The following ZNF462 variants were observed in gnomAD, a reference collection of about 807,000 sequenced individuals.
ZNF462 encodes the protein zinc finger protein 462.
In ZNF462, 10 loss-of-function variants were observed where a neutral mutation model predicts 201.9. The ratio of observed to expected loss-of-function variants is 0.05; its 90% CI spans 0.03 to 0.08. The LOEUF (loss-of-function observed/expected upper bound fraction) is 0.08, where lower values mean the gene tolerates loss of function less well. ZNF462 is among the 10% of genes least tolerant of loss of function. The pLI is 1.00. For missense variants in ZNF462, 2,523 were observed against 3,168.3 expected, an observed-to-expected ratio of 0.80 and a Z score of 4.89; for synonymous variants, 1,227 against 1,193.3, an observed-to-expected ratio of 1.03 and a Z score of -0.58.
intron 1 of ZNF462, among the ~76,000 whole-genome samples, chr9:106,888,196 C>T (rs559341517): frequency 9.2e-5 from 14 of 152,102 alleles, no homozygotes; most frequent in Non-Finnish European, 1.3e-4. Flanking sequence ...CGCCCGCCAC[C>T]GCGCCCGGCT....
chr9:106,954,139 C>T lies in ZNF462; in HGVS notation c.6427+15032C>T, dbSNP rs543211135. Among the ~76,000 whole-genome samples, 4 of 152,134 alleles carry T rather than the reference C, an allele frequency of 2.6e-5. No individual in the cohort carries two copies. Among genetic ancestry groups the T allele is most frequent in the East Asian group, 1.9e-4 (1 of 5,172 alleles). ...GCTCTGCATGGCCTGTGTATTAGTCCGTTTTCACATTGCTATAAAGAACTA... is the reference window on the plus strand; with the variant it reads ...GCTCTGCATGGCCTGTGTATTAGTCTGTTTTCACATTGCTATAAAGAACTA... On this transcript the variant is annotated intron_variant, in intron 7 of 12. Transcript: ENST00000277225. This position sits in a 1 kb window ranked among gnomAD's most constrained non-coding sequence, Gnocchi z 4.0.
intron 1 of ZNF462, among the ~76,000 whole-genome samples, chr9:106,910,921 G>A (rs927536386): frequency 5.3e-5 from 8 of 152,174 alleles, no homozygotes; most frequent in Admixed American, 2.0e-4. Context: ...CTCTAAGCTT[G>A]GAGGTATTTT....
At chr9:106,908,631 C>T (rs1240259994) in intron 1 of ZNF462, among the ~76,000 whole-genome samples, 2 of 151,804 alleles carry the variant, frequency 1.3e-5, no homozygotes, top group African/African-American at 4.8e-5. Flanking sequence ...ATCCAATTCA[C>T]ATTTATTGAT....
At chr9:106,982,170 A>G (rs544831069) in intron 9 of ZNF462, among the ~76,000 whole-genome samples, 1 of 152,188 alleles carries the variant, frequency 6.6e-6, no homozygotes, top group Non-Finnish European at 1.5e-5. Flanking sequence ...TGCCTTACCC[A>G]GCGTAGTTGC....
intron 1 of ZNF462, among the ~76,000 whole-genome samples, chr9:106,907,705 G>A (rs1829330260): frequency 6.6e-6 from 1 of 151,936 alleles, no homozygotes; most frequent in South Asian, 2.1e-4. Flanking sequence ...ACCTTATGAT[G>A]TAATATATTG....
chr9:106,864,254 G>A (rs183816518), intron 1 of ZNF462, among the ~76,000 whole-genome samples: 1 of 152,110 alleles, frequency 6.6e-6, no homozygotes, highest in Non-Finnish European at 1.5e-5. Context: ...GAGCGGCTGA[G>A]GAGCTGTCTC....
At chr9:106,958,943 A>G (rs952786657) in intron 7 of ZNF462, among the ~76,000 whole-genome samples, 1 of 152,134 alleles carries the variant, frequency 6.6e-6, no homozygotes, top group Non-Finnish European at 1.5e-5. Flanking sequence ...AGCTGCAGGT[A>G]ATCTTGAAGA....
rs765359091 is a variant in ZNF462 at position 106,924,524 on chromosome 9, C to G, written c.612C>G (p.Asp204Glu). 3 of 1,614,018 alleles carry G rather than the reference C, an allele frequency of 1.9e-6. No homozygotes were observed. The highest frequency in any genetic ancestry group is 2.2e-5 in the East Asian group (1 of 44,900). The change falls in exon 3 of 13, where the codon GAC becomes GAG. Residue 204 changes from aspartate (D) to glutamate (E), a missense_variant. Asp to Glu is a conservative substitution (Grantham distance 45). Coordinates refer to ENST00000277225, the MANE Select transcript of ZNF462 (RefSeq NM_021224.6). The surrounding 1 kb of genome is among the most constrained non-coding windows in gnomAD (Gnocchi z 6.2). The part of the protein sequence containing the change: ...APPPAPAPMP[D>E]PVVPPVSLQD... ...CACCTGCTCCTGCTCCAATGCCAGA[C>G]CCTGTGGTTCCGCCCGTATCACTGC...
In ZNF462 at chr9:106,924,449, G is replaced by A. The variant is rs1374170996; in HGVS notation, c.537G>A (p.Lys179=). Residue 179 remains lysine (K), a synonymous_variant, in exon 3 of 13, where the codon AAG becomes AAA. Coordinates refer to ENST00000277225, the MANE Select transcript of ZNF462 (RefSeq NM_021224.6). This position sits in a 1 kb window ranked among gnomAD's most constrained non-coding sequence, Gnocchi z 6.2. ...YKSPRRARII[K]HQKMYHKNNL... ...CACCAAGAAGGGCAAGAATAATTAA[G>A]CATCAGAAGATGTATCACAAAAACA... is the stretch of plus-strand genomic sequence containing the variant. The A allele has an allele frequency of 6.2e-7, 1 of 1,614,174 alleles. No individual in the cohort carries two copies. The highest frequency in any genetic ancestry group is 8.5e-7 in the Non-Finnish European group (1 of 1,180,032).
chr9:106,860,378 G>A (rs77655844), upstream of ZNF462, among the ~76,000 whole-genome samples: 1,527 of 152,234 alleles, frequency 0.01, 34 homozygotes, highest in East Asian at 0.094. The surrounding 1 kb of genome is among the most constrained non-coding windows in gnomAD (Gnocchi z 7.1). Context: ...TCCTCCCCAG[G>A]GCTCAATTCC....
chr9:106,886,815 T>A lies in ZNF462; in HGVS notation c.-31+23460T>A, dbSNP rs1165820120. ...TTCTATTTCTCGTGCCAATTTTGAT[T>A]GATTGGTGGAGAATGCCTGGAGCTT... is the stretch of plus-strand genomic sequence containing the variant. On this transcript the variant is annotated intron_variant, in intron 1 of 12. Coordinates refer to ENST00000277225, the MANE Select transcript of ZNF462 (RefSeq NM_021224.6). The surrounding 1 kb of genome is among the most constrained non-coding windows in gnomAD (Gnocchi z 4.6). Among the ~76,000 whole-genome samples the A allele has an allele frequency of 6.6e-6, 1 of 152,122 alleles. No homozygotes were observed. Among genetic ancestry groups the A allele is most frequent in the Non-Finnish European group, 1.5e-5 (1 of 68,026 alleles).
intron 1 of ZNF462, among the ~76,000 whole-genome samples, chr9:106,916,939 G>A (rs1370570287): frequency 6.6e-6 from 1 of 152,214 alleles, no homozygotes; most frequent in East Asian, 1.9e-4. Flanking sequence ...TGAGATATCA[G>A]CCTGCTTCCT....
chr9:106,914,807 T>C (rs1371048081), intron 1 of ZNF462, among the ~76,000 whole-genome samples: 1 of 151,982 alleles, frequency 6.6e-6, no homozygotes, highest in African/African-American at 2.4e-5. Flanking sequence ...GTGGTGTGAG[T>C]AGGGGTTTCA....
At chr9:106,863,131 A>G (rs1036791618), upstream of ZNF462, 5 of 398,004 alleles carry the variant, frequency 1.3e-5, no homozygotes, top group Non-Finnish European at 2.2e-5. Context: ...AGAGAGGGAG[A>G]GAGACGGATA....
At position 106,938,214 on chromosome 9, in the gene ZNF462, T is replaced by A. The variant is rs1300286992; in HGVS notation, c.6236-702T>A. 6.6e-6 allele frequency among the ~76,000 whole-genome samples: 1 copy of A among 152,198 alleles called. No homozygotes were observed. Among genetic ancestry groups the A allele is most frequent in the Non-Finnish European group, 1.5e-5 (1 of 68,042 alleles). On this transcript the variant is annotated intron_variant, in intron 6 of 12. Transcript: ENST00000277225. The surrounding 1 kb of genome is among the most constrained non-coding windows in gnomAD (Gnocchi z 4.4). ...ATTTTTACTGAGAGGCAGTCTTTAT[T>A]GAAGAATATTGGAGATAAACACACA...
rs1403253977 is a variant in ZNF462 at position 106,870,088 on chromosome 9, GTGTT to G, written c.-31+6736_-31+6739del. On this transcript the variant is annotated intron_variant, in intron 1 of 12. Transcript: ENST00000277225. The surrounding 1 kb of genome is among the most constrained non-coding windows in gnomAD (Gnocchi z 4.3). ...CTGAAGCACGTACAGGATTTTTAAA[GTGTT>G]TGGATGTGTGATTCCAACACAAAGT... 6.6e-6 allele frequency among the ~76,000 whole-genome samples: 1 copy of G among 152,198 alleles called. No homozygotes were observed. Among genetic ancestry groups the G allele is most frequent in the African/African-American group, 2.4e-5 (1 of 41,456 alleles).
intron 1 of ZNF462, among the ~76,000 whole-genome samples, chr9:106,878,269 G>A (rs1019171804): frequency 6.6e-6 from 1 of 152,188 alleles, no homozygotes; most frequent in African/African-American, 2.4e-5. Flanking sequence ...AAAGCATTCA[G>A]CACCCTGCCA....
In ZNF462 at chr9:106,881,058, G is replaced by A. The variant is rs138916408; in HGVS notation, c.-31+17703G>A. 3.3e-3 allele frequency among the ~76,000 whole-genome samples: 505 copies of A among 152,274 alleles called. 1 individual carries two copies. Among genetic ancestry groups the A allele is most frequent in the African/African-American group, 0.011 (474 of 41,556 alleles). On this transcript the variant is annotated intron_variant, in intron 1 of 12. Transcript: ENST00000277225. The stretch of plus-strand genomic sequence containing the variant: ...CCCTTTCCTGCGTCATTCCAGGCAG[G>A]CCTTGGCATGCTTCGCCAGATGAGT...
chr9:106,964,671 GT>G (rs1417847605), intron 7 of ZNF462, among the ~76,000 whole-genome samples: 2 of 152,028 alleles, frequency 1.3e-5, no homozygotes, highest in Non-Finnish European at 2.9e-5. Context: ...TAACTTAACA[GT>G]AATTTTTTTT....
Sources: gnomAD v4.1 joint callset for allele counts (sites outside exome capture counted in the v4.1 genomes callset) on GRCh38, gnomAD v4.1.1 for gene constraint, Gnocchi (gnomAD v3.1) non-coding constraint, MANE v1.5 for transcripts, NCBI Gene and HGNC (gene_info 2026-07-23, HGNC 2026-07-21) for gene names.